The following CACNG3 variants were observed in gnomAD, a reference collection of about 807,000 sequenced individuals.
CACNG3 encodes calcium voltage-gated channel auxiliary subunit gamma 3.
CACNG3 carries 3 observed loss-of-function variants against 28.5 expected under a neutral mutation model. The observed-to-expected ratio is 0.11, with a 90% CI of 0.05 to 0.27. The LOEUF is 0.27. Ranked by LOEUF, CACNG3 falls within the 10% of genes least tolerant of loss-of-function variation. The probability of loss-of-function intolerance (pLI) is 1.00; values close to 1 mark genes in which losing one functional copy is unlikely to be tolerated. For missense variants in CACNG3, 236 were observed against 414.4 expected (o/e 0.57, Z 3.74); for synonymous variants, 174 against 162.2 (o/e 1.07, Z -0.55).
At chr16:24,352,436 A>C (rs12708656) in intron 2 of CACNG3, among the ~76,000 whole-genome samples, 136,524 of 152,138 alleles carry the variant, frequency 0.9, 61,311 homozygotes, top group East Asian at 1. Flanking sequence ...TAAAGTACAC[A>C]CTGAATCTGC....
At chr16:24,351,596 A>C (rs1291837624) in intron 2 of CACNG3, among the ~76,000 whole-genome samples, 3 of 87,694 alleles carry the variant, frequency 3.4e-5, no homozygotes, top group African/African-American at 5.0e-5. Context: ...AGGAAGGGGA[A>C]GGGGAAGGGG....
chr16:24,355,251 G>T (rs1215055279), intron 3 of CACNG3, among the ~76,000 whole-genome samples: 5 of 151,912 alleles, frequency 3.3e-5, no homozygotes, highest in Non-Finnish European at 7.4e-5. Context: ...GAGAGAGAAA[G>T]AGAAAAGGAG....
At chr16:24,337,006 G>C (rs1188700748) in intron 1 of CACNG3, among the ~76,000 whole-genome samples, 1 of 151,924 alleles carries the variant, frequency 6.6e-6, no homozygotes, top group Non-Finnish European at 1.5e-5. Flanking sequence ...GTAGAGAGGG[G>C]TCTTGCCATG....
intron 1 of CACNG3, among the ~76,000 whole-genome samples, chr16:24,282,695 G>A (rs1227330808): frequency 6.6e-6 from 1 of 152,046 alleles, no homozygotes; most frequent in Non-Finnish European, 1.5e-5. Context: ...ATTTATCCAC[G>A]TTGAATTTAC....
intron 1 of CACNG3, among the ~76,000 whole-genome samples, chr16:24,274,538 G>A (rs756965833): frequency 6.6e-6 from 1 of 152,138 alleles, no homozygotes; most frequent in African/African-American, 2.4e-5. Flanking sequence ...TGCTCTGTTA[G>A]TCCCCCAGAA....
rs534354762 is a variant in CACNG3, at chr16:24,258,557, G to T, written c.211+1592G>T. Among the ~76,000 whole-genome samples, 9 of 152,246 alleles carry T rather than the reference G, an allele frequency of 5.9e-5. No homozygotes were observed. In the South Asian group the frequency reaches 1.9e-3, roughly 32 times the overall value. ...ATTCAATATACTGACAGAAATTCTA[G>T]AATAATTATTTCCTAAACAATGACA... On this transcript the variant is annotated intron_variant, in intron 1 of 3. Coordinates refer to ENST00000005284, the MANE Select transcript of CACNG3 (RefSeq NM_006539.4).
intron 1 of CACNG3, among the ~76,000 whole-genome samples, chr16:24,280,644 T>C (rs149221846): frequency 3.5e-4 from 53 of 151,794 alleles, no homozygotes; most frequent in African/African-American, 1.3e-3. Flanking sequence ...GGTGAAACCC[T>C]GTCTCTACTA....
chr16:24,294,249 G>A (rs904956675), intron 1 of CACNG3, among the ~76,000 whole-genome samples: 17 of 152,190 alleles, frequency 1.1e-4, no homozygotes, highest in African/African-American at 3.6e-4. Flanking sequence ...TCCGGGCAGC[G>A]AGGACAGTTT....
intron 1 of CACNG3, among the ~76,000 whole-genome samples, chr16:24,312,661 T>G (rs1043734700): frequency 2.6e-5 from 4 of 151,750 alleles, no homozygotes; most frequent in Admixed American, 2.0e-4. Context: ...TAAAAATTTT[T>G]TTTTTAATTA....
chr16:24,311,051 G>T (rs1899254897), intron 1 of CACNG3, among the ~76,000 whole-genome samples: 2 of 152,180 alleles, frequency 1.3e-5, no homozygotes, highest in Non-Finnish European at 2.9e-5. Context: ...AGGGGCACTT[G>T]GGTTGTCCCC....
chr16:24,294,757 G>T (rs62029011), intron 1 of CACNG3, among the ~76,000 whole-genome samples: 1,804 of 152,262 alleles, frequency 0.012, 16 homozygotes, highest in Admixed American at 0.019. Flanking sequence ...GGGTCATAAG[G>T]GAATGAAATT....
chr16:24,318,602 T>A (rs1899418606), intron 1 of CACNG3, among the ~76,000 whole-genome samples: 1 of 152,192 alleles, frequency 6.6e-6, no homozygotes, highest in African/African-American at 2.4e-5. Flanking sequence ...CACCACCCTC[T>A]GGTCATACTA....
At chr16:24,314,953 C>T (rs1899328931) in intron 1 of CACNG3, among the ~76,000 whole-genome samples, 1 of 152,146 alleles carries the variant, frequency 6.6e-6, no homozygotes, top group Non-Finnish European at 1.5e-5. Context: ...CATAAAGAAG[C>T]TGTGAGCTTG....
chr16:24,298,594 G>A (rs967676753), intron 1 of CACNG3, among the ~76,000 whole-genome samples: 29 of 152,312 alleles, frequency 1.9e-4, no homozygotes, highest in African/African-American at 7.0e-4. Context: ...TCGTTAAGAT[G>A]TTACATGAAT....
At chr16:24,319,113 T>C (rs1055375804) in intron 1 of CACNG3, among the ~76,000 whole-genome samples, 1 of 152,218 alleles carries the variant, frequency 6.6e-6, no homozygotes, top group East Asian at 1.9e-4. Context: ...AAAATAAATT[T>C]AAGTTAAAAA....
intron 1 of CACNG3, among the ~76,000 whole-genome samples, chr16:24,263,936 T>C (rs1898565342): frequency 6.6e-6 from 1 of 152,220 alleles, no homozygotes; most frequent in African/African-American, 2.4e-5. Flanking sequence ...GAAGAATCAT[T>C]CATAATGATT....
intron 1 of CACNG3, among the ~76,000 whole-genome samples, chr16:24,280,647 C>T (rs1042332726): frequency 3.3e-5 from 5 of 151,726 alleles, no homozygotes; most frequent in Non-Finnish European, 7.4e-5. Flanking sequence ...GAAACCCTGT[C>T]TCTACTAAAA....
At chr16:24,283,142 T>C (rs1381148910) in intron 1 of CACNG3, among the ~76,000 whole-genome samples, 1 of 152,114 alleles carries the variant, frequency 6.6e-6, no homozygotes, top group Non-Finnish European at 1.5e-5. Context: ...GACTCAATAC[T>C]AGAAGAGCGC....
At chr16:24,334,466 C>A (rs905017380) in intron 1 of CACNG3, among the ~76,000 whole-genome samples, 28 of 152,160 alleles carry the variant, frequency 1.8e-4, no homozygotes, top group Admixed American at 1.8e-3. Flanking sequence ...CCAAAATCTG[C>A]CCCAGGACCC....
Sources: allele counts gnomAD v4.1 joint callset (sites outside exome capture counted in the v4.1 genomes callset), GRCh38; gene constraint gnomAD v4.1.1; transcripts MANE v1.5; gene names NCBI Gene and HGNC (gene_info 2026-07-23, HGNC 2026-07-21).